Variants in LHFPL4 observed in about 807,000 individuals in gnomAD.
LHFPL4 encodes the protein LHFPL tetraspan subfamily member 4.
A neutral mutation model predicts 20.0 loss-of-function variants in LHFPL4; 6 were observed. The observed-to-expected ratio is 0.30, with a 90% CI of 0.16 to 0.59. LHFPL4 has a LOEUF of 0.59. Ranked by LOEUF, LHFPL4 falls within the 20% of genes least tolerant of loss-of-function variation. LHFPL4 has a pLI of 0.88. For synonymous variants in LHFPL4, 129 were observed against 143.8 expected (o/e 0.90, Z 0.74); for missense variants, 215 against 331.2 (o/e 0.65, Z 2.72).
At chr3:9,531,022 G>T (rs553829070) in intron 2 of LHFPL4, among the ~76,000 whole-genome samples, 1 of 152,306 alleles carries the variant, frequency 6.6e-6, no homozygotes, top group African/African-American at 2.4e-5. Flanking sequence ...CAGGGAATAG[G>T]AAAGCCAAAG....
In LHFPL4 at chr3:9,502,085, C is replaced by T; in HGVS notation, c.*126G>A. 8.4e-6 allele frequency: 6 copies of T among 718,108 alleles called. No individual in the cohort carries two copies. The highest frequency in any genetic ancestry group is 1.2e-5 in the Non-Finnish European group (5 of 403,832). 44.5% of individuals were successfully genotyped at this position (718,108 alleles called of 1,614,324 possible). On this transcript the variant is annotated 3_prime_UTR_variant, in exon 4 of 4. Coordinates refer to ENST00000287585, the MANE Select transcript of LHFPL4 (RefSeq NM_198560.3). ...TCCTCTCCTCAAAGCCTGGAGCTTG[C>T]AGGGTAGTCGGTGAGAAGTAAGTCT...
chr3:9,546,139 C>A (rs2046510847), intron 2 of LHFPL4, among the ~76,000 whole-genome samples: 2 of 151,742 alleles, frequency 1.3e-5, no homozygotes, highest in Admixed American at 6.6e-5. Flanking sequence ...CATGGTGAAA[C>A]CCTGTCTCTA....
intron 2 of LHFPL4, among the ~76,000 whole-genome samples, chr3:9,517,283 A>G (rs2046309580): frequency 6.6e-6 from 1 of 152,158 alleles, no homozygotes; most frequent in African/African-American, 2.4e-5. Flanking sequence ...ATTGAATCTA[A>G]AGATCATGTT....
chr3:9,526,784 G>C (rs1022763708), intron 2 of LHFPL4, among the ~76,000 whole-genome samples: 1 of 152,172 alleles, frequency 6.6e-6, no homozygotes. Context: ...TGATGCTGCT[G>C]TAAGTCAAGA....
rs2046155107 is a variant in LHFPL4, at chr3:9,499,447, T to G, written c.*2764A>C. 6.5e-6 allele frequency: 1 copy of G among 152,692 alleles called. No homozygotes were observed. The highest frequency in any genetic ancestry group is 1.5e-5 in the Non-Finnish European group (1 of 68,358). 9.5% of individuals were successfully genotyped at this position (152,692 alleles called of 1,614,324 possible). A position where few individuals can be genotyped will look rare whatever the true frequency, so the allele number is the denominator to read the frequency against. ...AGACTTCAGCCCACACAACTCTGCC[T>G]TCCTGACTCCAAACTCCCTGGTGCA... On this transcript the variant is annotated 3_prime_UTR_variant, in exon 4 of 4. Transcript: ENST00000287585.
chr3:9,527,256 T>C (rs2046381650), intron 2 of LHFPL4, among the ~76,000 whole-genome samples: 1 of 152,176 alleles, frequency 6.6e-6, no homozygotes, highest in East Asian at 1.9e-4. Flanking sequence ...TATATTCATA[T>C]ATTACTTGTG....
rs1426128246 is a variant in LHFPL4 at position 9,523,073 on chromosome 3, A to AGG, written c.407-16871_407-16870insCC. Reference sequence around the variant, plus strand: ...AAAAAAAAAAAGAAAGAAAGAAAGAAAAGGAAGAAAGAAAGAAAGAGAGAG... The same window carrying AGG: ...AAAAAAAAAAAGAAAGAAAGAAAGAAGGAAGGAAGAAAGAAAGAAAGAGAGAG... On this transcript the variant is annotated intron_variant, in intron 2 of 3. Transcript: ENST00000287585. Among the ~76,000 whole-genome samples, 3 of 22,902 alleles carry AGG rather than the reference A, an allele frequency of 1.3e-4. 1 individual carries two copies. The highest frequency in any genetic ancestry group is 4.5e-4 in the Non-Finnish European group (3 of 6,654). 15.0% of individuals were successfully genotyped at this position (22,902 alleles called of 152,430 possible).
chr3:9,525,391 T>C (rs2046367022), intron 2 of LHFPL4, among the ~76,000 whole-genome samples: 1 of 152,238 alleles, frequency 6.6e-6, no homozygotes, highest in Non-Finnish European at 1.5e-5. Context: ...TGCTCATGGG[T>C]TCCTTCTGCT....
rs1206099040 is a variant in LHFPL4, at chr3:9,552,736, A to C, written c.-57T>G. On this transcript the variant is annotated 5_prime_UTR_variant, in exon 2 of 4. Transcript: ENST00000287585. ...GGCTGGCGGGGGCCGCCGGCCCGGGACGGAGCGCCGGGCTGCCGGGCGGGA... is the reference window on the plus strand; with the variant it reads ...GGCTGGCGGGGGCCGCCGGCCCGGGCCGGAGCGCCGGGCTGCCGGGCGGGA... 2 of 1,082,858 alleles carry C rather than the reference A, an allele frequency of 1.8e-6. No individual in the cohort carries two copies. The highest frequency in any genetic ancestry group is 3.4e-5 in the African/African-American group (2 of 58,988). 67.1% of individuals were successfully genotyped at this position (1,082,858 alleles called of 1,614,324 possible).
chr3:9,512,995 G>T (rs1485460734), intron 2 of LHFPL4, among the ~76,000 whole-genome samples: 1 of 152,192 alleles, frequency 6.6e-6, no homozygotes, highest in Admixed American at 6.5e-5. Context: ...GTCTCACTCA[G>T]TCGCCCAGGC....
chr3:9,548,723 G>A (rs929710403), intron 2 of LHFPL4, among the ~76,000 whole-genome samples: 11 of 152,294 alleles, frequency 7.2e-5, no homozygotes, highest in African/African-American at 2.2e-4. Flanking sequence ...GAGGGAATTG[G>A]CCTTTCTCCA....
At chr3:9,513,753 T>G (rs941318396) in intron 2 of LHFPL4, among the ~76,000 whole-genome samples, 8 of 152,180 alleles carry the variant, frequency 5.3e-5, no homozygotes, top group South Asian at 4.1e-4. Flanking sequence ...TTGGGAAAAA[T>G]CATTTAACTG....
intron 2 of LHFPL4, among the ~76,000 whole-genome samples, chr3:9,514,147 T>C (rs1477349903): frequency 6.6e-6 from 1 of 152,050 alleles, no homozygotes; most frequent in Non-Finnish European, 1.5e-5. Flanking sequence ...GATATATTAA[T>C]AAATAAAAAG....
intron 2 of LHFPL4, among the ~76,000 whole-genome samples, chr3:9,516,781 C>CTTTTT (rs574431292): frequency 1.8e-5 from 2 of 111,886 alleles, no homozygotes; most frequent in African/African-American, 3.6e-5. Context: ...GCCACACAAT[C>CTTTTT]TTTTTTTTTT....
At chr3:9,505,854 C>T (rs867531333) in intron 3 of LHFPL4, 113 bp downstream of exon 3, 18 of 1,051,252 alleles carry the variant, frequency 1.7e-5, no homozygotes, top group Middle Eastern at 3.1e-4. Flanking sequence ...CCACCACGCC[C>T]AGCCAGGGTT....
Position 9,549,181 on chromosome 3 carries a change from C to T in LHFPL4, c.406+3093G>A, listed in dbSNP as rs187904011. ...GAAAAACTGCTGACTAATATAGTGA[C>T]GTAACTAGACAGTATGCTCCCTGAG... On this transcript the variant is annotated intron_variant, in intron 2 of 3. Transcript: ENST00000287585. Among the ~76,000 whole-genome samples, 125 of 152,098 alleles carry T rather than the reference C, an allele frequency of 8.2e-4. 1 individual carries two copies. The highest frequency in any genetic ancestry group is 8.2e-3 in the South Asian group (39 of 4,754).
rs1467580121 is a variant in LHFPL4, at chr3:9,552,639, T to C, written c.41A>G (p.His14Arg). The C allele has an allele frequency of 3.1e-6, 5 of 1,613,294 alleles. No homozygotes were observed. Among genetic ancestry groups the C allele is most frequent in the Non-Finnish European group, 4.2e-6 (5 of 1,179,782 alleles). ...SQEASKLYHE[H>R]YMRNSRAIGV... Reference sequence around the variant, plus strand: ...GATGGCCCGCGAGTTCCGCATGTAGTGCTCGTGGTAGAGCTTGGAGGCCTC... The same window carrying C: ...GATGGCCCGCGAGTTCCGCATGTAGCGCTCGTGGTAGAGCTTGGAGGCCTC... The change falls in exon 2 of 4, where the codon CAC becomes CGC. Residue 14 changes from histidine to arginine, a missense_variant. By Grantham distance (29) the His-to-Arg change is conservative (BLOSUM62 0). Transcript: ENST00000287585.
intron 2 of LHFPL4, among the ~76,000 whole-genome samples, chr3:9,523,698 C>G (rs1246018465): frequency 6.6e-6 from 1 of 152,080 alleles, no homozygotes; most frequent in African/African-American, 2.4e-5. Context: ...ATCTCGAACT[C>G]CTGACCTCAG....
intron 3 of LHFPL4, among the ~76,000 whole-genome samples, chr3:9,504,370 A>G (rs2046200976): frequency 1.5e-5 from 2 of 134,608 alleles, no homozygotes; most frequent in South Asian, 2.6e-4. Context: ...TGAGCAAGAC[A>G]CTGTCTCAAG....
Sources: allele counts gnomAD v4.1 joint callset (sites outside exome capture counted in the v4.1 genomes callset), GRCh38; gene constraint gnomAD v4.1.1; transcripts MANE v1.5; gene names NCBI Gene and HGNC (gene_info 2026-07-23, HGNC 2026-07-21).